Variants in ZNF469 observed in about 807,000 individuals in gnomAD.
ZNF469 encodes the protein zinc finger protein 469.
A neutral mutation model predicts 1.0 loss-of-function variants in ZNF469; 1 was observed. The observed-to-expected ratio is 1.00, with a 90% CI of 0.35 to 4.73. ZNF469 has a LOEUF of 4.73. Ranked by LOEUF, ZNF469 falls within the 30% of genes most tolerant of loss-of-function variation. The pLI, the probability that ZNF469 is intolerant of heterozygous loss-of-function variation, is 0.16. For synonymous variants in ZNF469, 2,703 were observed against 2,363.4 expected (o/e 1.14, Z -4.17); for missense variants, 6,100 against 5,356.3 (o/e 1.14, Z -4.33).
intron 1 of ZNF469, among the ~76,000 whole-genome samples, chr16:88,410,415 CGTG>C (rs1176726207): frequency 6.9e-6 from 1 of 145,362 alleles, no homozygotes; most frequent in African/African-American, 2.6e-5. Context: ...GTGCAGGTCA[CGTG>C]GTCATGGAGA....
At chr16:88,218,405 T>C in the ZNF469 span, among the ~76,000 whole-genome samples, 1 of 150,854 alleles carries the variant, frequency 6.6e-6, no homozygotes, top group African/African-American at 2.4e-5. Context: ...CTGTTCACTC[T>C]GATGGTAGTT....
the ZNF469 span, among the ~76,000 whole-genome samples, chr16:88,330,917 T>C: frequency 6.6e-6 from 1 of 152,230 alleles, no homozygotes; most frequent in Non-Finnish European, 1.5e-5. Context: ...GCACCTGGCA[T>C]GCAGCAAGTG....
At chr16:88,243,911 C>CATATATATATATAT in the ZNF469 span, among the ~76,000 whole-genome samples, 14 of 26,274 alleles carry the variant, frequency 5.3e-4, no homozygotes, top group South Asian at 3.1e-3. Context: ...TGGCTGGATG[C>CATATATATATATAT]ATATATATAT....
At chr16:88,366,671 T>C in the ZNF469 span, among the ~76,000 whole-genome samples, 1 of 148,250 alleles carries the variant, frequency 6.7e-6, no homozygotes, top group Non-Finnish European at 1.5e-5. Flanking sequence ...ATCATTATCG[T>C]CACTATCACC....
the ZNF469 span, among the ~76,000 whole-genome samples, chr16:88,203,194 C>T: frequency 6.6e-6 from 1 of 152,138 alleles, no homozygotes; most frequent in East Asian, 1.9e-4. Context: ...CCCAGGTGCT[C>T]GGAGAGTGAG....
the ZNF469 span, among the ~76,000 whole-genome samples, chr16:88,312,141 C>T: frequency 6.6e-6 from 1 of 152,070 alleles, no homozygotes; most frequent in Admixed American, 6.6e-5. Context: ...CATGAGACTT[C>T]TTCAGTACCA....
the ZNF469 span, among the ~76,000 whole-genome samples, chr16:88,196,154 A>G: frequency 6.6e-6 from 1 of 152,198 alleles, no homozygotes; most frequent in Non-Finnish European, 1.5e-5. Context: ...AGAGAGAGGC[A>G]TGGCTTGCCC....
the ZNF469 span, among the ~76,000 whole-genome samples, chr16:88,363,909 A>G: frequency 0.023 from 3,444 of 152,274 alleles, 141 homozygotes; most frequent in African/African-American, 0.078. Context: ...CTAGTTGGCC[A>G]TTAGCAGGAA....
chr16:88,138,853 G>T, the ZNF469 span, among the ~76,000 whole-genome samples: 1 of 152,244 alleles, frequency 6.6e-6, no homozygotes, highest in Non-Finnish European at 1.5e-5. Context: ...TGTATCTGAG[G>T]TCATCGCCAA....
intron 1 of ZNF469, among the ~76,000 whole-genome samples, chr16:88,391,472 G>T (rs781712361): frequency 5.3e-5 from 8 of 150,280 alleles, no homozygotes; most frequent in Non-Finnish European, 7.4e-5. Flanking sequence ...TGGACAGACT[G>T]TAAGGGTTGG....
At chr16:88,348,270 G>A in the ZNF469 span, among the ~76,000 whole-genome samples, 1 of 152,110 alleles carries the variant, frequency 6.6e-6, no homozygotes, top group Admixed American at 6.5e-5. Flanking sequence ...CTGACTTGTG[G>A]CCACATTGCT....
the ZNF469 span, among the ~76,000 whole-genome samples, chr16:88,151,023 C>T: frequency 1.3e-5 from 2 of 152,190 alleles, no homozygotes; most frequent in Non-Finnish European, 2.9e-5. The surrounding 1 kb of genome is among the most constrained non-coding windows in gnomAD (Gnocchi z 5.4). Flanking sequence ...TTACGACTCA[C>T]TAATGAAAAT....
chr16:88,242,668 C>A, the ZNF469 span, among the ~76,000 whole-genome samples: 1 of 152,276 alleles, frequency 6.6e-6, no homozygotes, highest in Non-Finnish European at 1.5e-5. Flanking sequence ...CCACCGCCCC[C>A]TTTCCCAGGC....
the ZNF469 span, among the ~76,000 whole-genome samples, chr16:88,151,621 T>A: frequency 1.8e-4 from 27 of 152,380 alleles, no homozygotes; most frequent in African/African-American, 6.3e-4. The surrounding 1 kb of genome is among the most constrained non-coding windows in gnomAD (Gnocchi z 5.4). Context: ...GTCTTCCGTG[T>A]GGATTGGTAG....
chr16:88,150,259 G>A, the ZNF469 span, among the ~76,000 whole-genome samples: 3 of 151,988 alleles, frequency 2.0e-5, no homozygotes, highest in Admixed American at 1.3e-4. Flanking sequence ...GCAGTGAACC[G>A]AGATCACACC....
At position 88,439,034 on chromosome 16, in the gene ZNF469, G is replaced by C. The variant is rs1567517948; in HGVS notation, c.11564G>C (p.Ser3855Thr). ...PRTPRKQATP[S>T]RVLPTKPKPN... ...ACCCCTCGGAAGCAGGCAACTCCCA[G>C]CCGCGTGCTCCCGACCAAGCCCAAG... The change falls in exon 3 of 3, where the codon AGC (serine) becomes ACC (threonine). Residue 3855 changes from serine (S) to threonine (T), a missense_variant. By Grantham distance (58) the Ser-to-Thr change is moderately conservative. Coordinates refer to ENST00000565624, the MANE Select transcript of ZNF469 (RefSeq NM_001367624.2). 1 of 1,550,254 alleles carries C rather than the reference G, an allele frequency of 6.5e-7. No individual in the cohort carries two copies. The highest frequency in any genetic ancestry group is 1.4e-5 in the African/African-American group (1 of 73,006).
the ZNF469 span, among the ~76,000 whole-genome samples, chr16:88,220,853 C>T: frequency 4.6e-5 from 7 of 152,194 alleles, no homozygotes; most frequent in Admixed American, 3.3e-4. Context: ...TAACTCTGGG[C>T]GTTTCTCCAA....
At chr16:88,130,301 C>T in the ZNF469 span, among the ~76,000 whole-genome samples, 2 of 152,098 alleles carry the variant, frequency 1.3e-5, no homozygotes, top group African/African-American at 2.4e-5. Flanking sequence ...AACCGCACGC[C>T]GCAGACAGCC....
the ZNF469 span, among the ~76,000 whole-genome samples, chr16:88,368,449 G>A: frequency 6.6e-6 from 1 of 152,218 alleles, no homozygotes; most frequent in East Asian, 1.9e-4. Context: ...AGGGCTTCCT[G>A]AAACCATCTA....
Sources: gnomAD v4.1 joint callset for allele counts (sites outside exome capture counted in the v4.1 genomes callset) on GRCh38, gnomAD v4.1.1 for gene constraint, Gnocchi (gnomAD v3.1) non-coding constraint, MANE v1.5 for transcripts, NCBI Gene and HGNC (gene_info 2026-07-23, HGNC 2026-07-21) for gene names.